Variants in LRRC4C observed in about 807,000 individuals in gnomAD.
LRRC4C encodes leucine rich repeat containing 4C, also known as leucine-rich repeat-containing protein 4C.
A neutral mutation model predicts 33.6 loss-of-function variants in LRRC4C; 5 were observed. The ratio of observed to expected loss-of-function variants is 0.15; its 90% CI spans 0.08 to 0.31. LRRC4C has a LOEUF of 0.31. Among genes scored for constraint, LRRC4C ranks in the 10% least tolerant of loss-of-function variants. The probability of loss-of-function intolerance (pLI) is 1.00; values close to 1 mark genes in which losing one functional copy is unlikely to be tolerated. For synonymous variants in LRRC4C, 329 were observed against 302.0 expected, an observed-to-expected ratio of 1.09 and a Z score of -0.93; for missense variants, 560 against 796.7, an observed-to-expected ratio of 0.70 and a Z score of 3.58.
At chr11:40,192,957 G>A (rs1861966096) in intron 5 of LRRC4C, among the ~76,000 whole-genome samples, 1 of 152,176 alleles carries the variant, frequency 6.6e-6, no homozygotes. Flanking sequence ...CCCCAGTCAG[G>A]GGCTTATAGA....
At chr11:41,434,784 C>T (rs984425536) in intron 1 of LRRC4C, among the ~76,000 whole-genome samples, 9 of 152,146 alleles carry the variant, frequency 5.9e-5, no homozygotes, top group African/African-American at 2.2e-4. Flanking sequence ...GGATGTGGGG[C>T]AGCTTGAAGT....
chr11:40,473,303 T>A (rs1352591359), intron 3 of LRRC4C, among the ~76,000 whole-genome samples: 1 of 152,046 alleles, frequency 6.6e-6, no homozygotes, highest in Non-Finnish European at 1.5e-5. Flanking sequence ...TCAACATACA[T>A]AAATCGATAA....
intron 1 of LRRC4C, among the ~76,000 whole-genome samples, chr11:41,393,399 G>A (rs1953680304): frequency 6.6e-6 from 1 of 151,764 alleles, no homozygotes; most frequent in Non-Finnish European, 1.5e-5. Context: ...GTATCTTAGG[G>A]AAGGTTCTCA....
intron 2 of LRRC4C, among the ~76,000 whole-genome samples, chr11:40,824,981 C>T (rs112327104): frequency 0.011 from 1,599 of 152,062 alleles, 27 homozygotes; most frequent in African/African-American, 0.035. Flanking sequence ...GTGGCCATTA[C>T]AGAGACCATA....
At chr11:40,981,549 A>G (rs1852543046) in intron 1 of LRRC4C, among the ~76,000 whole-genome samples, 1 of 152,220 alleles carries the variant, frequency 6.6e-6, no homozygotes, top group African/African-American at 2.4e-5. Flanking sequence ...CTCTGACTCA[A>G]ACTGGGAAAA....
At chr11:40,916,604 G>T (rs1246455546) in intron 2 of LRRC4C, among the ~76,000 whole-genome samples, 1 of 151,854 alleles carries the variant, frequency 6.6e-6, no homozygotes, top group African/African-American at 2.4e-5. Flanking sequence ...GTTAAATGAC[G>T]AGTTAATGGG....
intron 2 of LRRC4C, among the ~76,000 whole-genome samples, chr11:40,837,570 T>C (rs181771059): frequency 1.3e-5 from 2 of 150,604 alleles, no homozygotes; most frequent in East Asian, 3.9e-4. Flanking sequence ...CTGGGCACAG[T>C]GGCTCAGACC....
At chr11:40,266,829 T>C (rs868441120) in intron 4 of LRRC4C, among the ~76,000 whole-genome samples, 1 of 152,140 alleles carries the variant, frequency 6.6e-6, no homozygotes, top group African/African-American at 2.4e-5. Flanking sequence ...CAGACTGATA[T>C]TGCTTTGTCT....
intron 3 of LRRC4C, among the ~76,000 whole-genome samples, chr11:40,409,419 C>T (rs947386612): frequency 6.6e-6 from 1 of 151,906 alleles, no homozygotes; most frequent in Non-Finnish European, 1.5e-5. Context: ...AAGCTTTCCA[C>T]AGCCAAGGAA....
At chr11:41,403,950 A>G (rs1293198717) in intron 1 of LRRC4C, among the ~76,000 whole-genome samples, 1 of 152,070 alleles carries the variant, frequency 6.6e-6, no homozygotes, top group East Asian at 1.9e-4. Flanking sequence ...GCATGGGAAC[A>G]CACACACCAT....
intron 3 of LRRC4C, among the ~76,000 whole-genome samples, chr11:40,592,694 C>G (rs1365193746): frequency 2.6e-5 from 4 of 152,142 alleles, no homozygotes; most frequent in African/African-American, 9.7e-5. Context: ...AACTTTTAGC[C>G]AGACAATCTC....
intron 3 of LRRC4C, among the ~76,000 whole-genome samples, chr11:40,457,308 T>G (rs1397311345): frequency 6.6e-6 from 1 of 152,006 alleles, no homozygotes; most frequent in African/African-American, 2.4e-5. Flanking sequence ...AGTAATAAAT[T>G]CATACCCATT....
At chr11:41,233,926 A>AT (rs1947910237) in intron 1 of LRRC4C, among the ~76,000 whole-genome samples, 1 of 151,624 alleles carries the variant, frequency 6.6e-6, no homozygotes, top group South Asian at 2.1e-4. Flanking sequence ...CTCAAAAAGC[A>AT]TAACTGCACC....
chr11:41,272,522 T>C (rs1949353686), intron 1 of LRRC4C, among the ~76,000 whole-genome samples: 1 of 152,168 alleles, frequency 6.6e-6, no homozygotes, highest in Non-Finnish European at 1.5e-5. Context: ...ATATTTAAGA[T>C]GAATTGAATG....
chr11:40,880,334 C>A (rs1005180447), intron 2 of LRRC4C, among the ~76,000 whole-genome samples: 1 of 152,022 alleles, frequency 6.6e-6, no homozygotes, highest in Non-Finnish European at 1.5e-5. Flanking sequence ...ATTGCTATTG[C>A]ATTAAGTCAC....
At chr11:41,158,385 C>T (rs1188467357) in intron 1 of LRRC4C, among the ~76,000 whole-genome samples, 1 of 151,986 alleles carries the variant, frequency 6.6e-6, no homozygotes, top group African/African-American at 2.4e-5. Context: ...GAGAAAACCA[C>T]AATTTAGCTC....
intron 5 of LRRC4C, among the ~76,000 whole-genome samples, chr11:40,195,229 G>A (rs1862169015): frequency 6.6e-6 from 1 of 152,154 alleles, no homozygotes; most frequent in African/African-American, 2.4e-5. Context: ...ACATCATACA[G>A]TCTAAGGTAT....
chr11:41,358,422 ACTT>A (rs969162536), intron 1 of LRRC4C, among the ~76,000 whole-genome samples: 4 of 152,180 alleles, frequency 2.6e-5, no homozygotes, highest in African/African-American at 9.6e-5. Context: ...AAAATTAAAA[ACTT>A]CTTCTCATGA....
chr11:40,210,638 G>T (rs1345640062), intron 5 of LRRC4C, among the ~76,000 whole-genome samples: 1 of 152,102 alleles, frequency 6.6e-6, no homozygotes, highest in African/African-American at 2.4e-5. Flanking sequence ...TCCATCCTGG[G>T]ACTCCAGCTT....
Sources: gnomAD v4.1 joint callset for allele counts (sites outside exome capture counted in the v4.1 genomes callset) on GRCh38, gnomAD v4.1.1 for gene constraint, MANE v1.5 for transcripts, NCBI Gene and HGNC (gene_info 2026-07-23, HGNC 2026-07-21) for gene names.